Variants in AP3B1 observed in about 807,000 individuals in gnomAD.
The protein encoded by AP3B1 is AP-3 complex subunit beta-1.
A neutral mutation model predicts 132.5 loss-of-function variants in AP3B1; 61 were observed. That is an observed-to-expected ratio of 0.46 (90% CI 0.37 to 0.57). AP3B1 has a LOEUF of 0.57. Ranked by LOEUF, AP3B1 falls within the 20% of genes least tolerant of loss-of-function variation. The pLI is 0.00. For synonymous variants in AP3B1, 388 were observed against 438.3 expected, an observed-to-expected ratio of 0.89 and a Z score of 1.43; for missense variants, 1,120 against 1,289.4, an observed-to-expected ratio of 0.87 and a Z score of 2.01.
chr5:78,128,681 T>C (rs1016664274), intron 16 of AP3B1, among the ~76,000 whole-genome samples: 2 of 152,088 alleles, frequency 1.3e-5, no homozygotes, highest in African/African-American at 2.4e-5. Flanking sequence ...CTTCCCTCTT[T>C]GAAAAACCAG....
chr5:78,120,366 C>T (rs1022519371), intron 17 of AP3B1, among the ~76,000 whole-genome samples: 1 of 152,154 alleles, frequency 6.6e-6, no homozygotes, highest in Non-Finnish European at 1.5e-5. Context: ...TGTAAATGGG[C>T]TAAATGCTCC....
chr5:78,279,115 GTA>G (rs1486795080), intron 1 of AP3B1, among the ~76,000 whole-genome samples: 5 of 152,092 alleles, frequency 3.3e-5, no homozygotes, highest in Non-Finnish European at 5.9e-5. Flanking sequence ...ATAGAGAATA[GTA>G]TATATATGAT....
intron 26 of AP3B1, among the ~76,000 whole-genome samples, chr5:78,008,805 C>G (rs1347207226): frequency 2.0e-5 from 3 of 152,130 alleles, no homozygotes; most frequent in Non-Finnish European, 4.4e-5. Context: ...AGCAAAAATT[C>G]TTTGGAGAAT....
chr5:78,141,020 G>A, intron 15 of AP3B1, 123 bp downstream of exon 15: 3 of 871,244 alleles, frequency 3.4e-6, no homozygotes, highest in Non-Finnish European at 5.8e-6. Context: ...CATAGAACCT[G>A]AAACAAACAG....
intron 19 of AP3B1, among the ~76,000 whole-genome samples, chr5:78,110,685 TG>T (rs1308289765): frequency 3.5e-5 from 2 of 57,666 alleles, no homozygotes; most frequent in Non-Finnish European, 7.4e-5. Flanking sequence ...ATACTGTGCC[TG>T]TGTGTGTGTG....
chr5:78,270,347 T>C (rs959594943), intron 1 of AP3B1, among the ~76,000 whole-genome samples: 2 of 152,166 alleles, frequency 1.3e-5, no homozygotes, highest in Non-Finnish European at 2.9e-5. Context: ...TTACCTTCTT[T>C]TTCCTCAAAA....
chr5:78,047,144 T>C (rs924769167), intron 22 of AP3B1, among the ~76,000 whole-genome samples: 9 of 152,242 alleles, frequency 5.9e-5, no homozygotes, highest in Non-Finnish European at 1.0e-4. Flanking sequence ...TTATTGTAAA[T>C]AGTGCTGCAA....
intron 1 of AP3B1, among the ~76,000 whole-genome samples, chr5:78,271,438 A>G (rs1748542782): frequency 6.6e-6 from 1 of 152,196 alleles, no homozygotes; most frequent in Non-Finnish European, 1.5e-5. Context: ...CAAAAAACAA[A>G]CAAACTTTCT....
intron 1 of AP3B1, among the ~76,000 whole-genome samples, chr5:78,281,190 T>C (rs1749034952): frequency 6.6e-6 from 1 of 152,176 alleles, no homozygotes; most frequent in African/African-American, 2.4e-5. Context: ...ATTCCAGCAC[T>C]TTGGGAGGCC....
At chr5:78,118,988 C>T (rs889943083) in intron 17 of AP3B1, among the ~76,000 whole-genome samples, 5 of 152,142 alleles carry the variant, frequency 3.3e-5, no homozygotes, top group South Asian at 2.1e-4. Context: ...TCCAGAGGAA[C>T]GATCAGGCAG....
intron 25 of AP3B1, among the ~76,000 whole-genome samples, chr5:78,016,896 G>A (rs1746878844): frequency 6.6e-6 from 1 of 152,098 alleles, no homozygotes; most frequent in African/African-American, 2.4e-5. Context: ...ACACTGCTGA[G>A]AGATGTGTGT....
intron 18 of AP3B1, 92 bp downstream of exon 18, chr5:78,116,034 C>T (rs775419501): frequency 1.1e-6 from 1 of 922,264 alleles, no homozygotes; most frequent in South Asian, 1.3e-5. Flanking sequence ...CTTAAAACTA[C>T]CTGCTGAATA....
intron 14 of AP3B1, among the ~76,000 whole-genome samples, chr5:78,145,475 C>A (rs10755299): frequency 0.18 from 27,140 of 152,078 alleles, 2,729 homozygotes; most frequent in Admixed American, 0.27. Flanking sequence ...AAATCTGAAT[C>A]CAAAATTCAT....
chr5:78,175,575 C>A (rs1449961540), intron 11 of AP3B1, 51 bp downstream of exon 11: 2 of 1,420,410 alleles, frequency 1.4e-6, no homozygotes, highest in Non-Finnish European at 2.0e-6. Flanking sequence ...ATAGAAATAT[C>A]TCTTCAAAAC....
intron 22 of AP3B1, among the ~76,000 whole-genome samples, chr5:78,052,745 A>C (rs1470526841): frequency 6.6e-6 from 1 of 152,242 alleles, no homozygotes; most frequent in Non-Finnish European, 1.5e-5. Context: ...CAGATCAATA[A>C]ACTTCACTAT....
intron 22 of AP3B1, among the ~76,000 whole-genome samples, chr5:78,075,068 C>A (rs1749706495): frequency 2.0e-5 from 3 of 152,130 alleles, no homozygotes; most frequent in African/African-American, 7.2e-5. Flanking sequence ...TCCCTCAAAG[C>A]AATCTCTCCT....
rs565041693 is a variant in AP3B1, at chr5:78,172,655, C to G, written c.1167+2971G>C. ...TCCATTAGTCTTGCTAGCAGTCTAT[C>G]AATTCTGTTGATCTTTTCAAAAAAC... On this transcript the variant is annotated intron_variant, in intron 11 of 26. Coordinates refer to ENST00000255194, the MANE Select transcript of AP3B1 (RefSeq NM_003664.5). 2.0e-5 allele frequency among the ~76,000 whole-genome samples: 3 copies of G among 152,252 alleles called. No homozygotes were observed. In the South Asian group the frequency reaches 6.2e-4, roughly 32 times the overall value.
At chr5:78,146,552 G>A (rs534412672) in intron 14 of AP3B1, among the ~76,000 whole-genome samples, 1 of 152,036 alleles carries the variant, frequency 6.6e-6, no homozygotes, top group Non-Finnish European at 1.5e-5. Context: ...ATAATAATTA[G>A]AAGGGAATTT....
chr5:78,257,701 C>T (rs1747907224), intron 2 of AP3B1, among the ~76,000 whole-genome samples: 1 of 152,050 alleles, frequency 6.6e-6, no homozygotes, highest in Non-Finnish European at 1.5e-5. Flanking sequence ...ACAAAAGATC[C>T]AGAATAGCCA....
Sources: gnomAD v4.1 joint callset for allele counts (sites outside exome capture counted in the v4.1 genomes callset) on GRCh38, gnomAD v4.1.1 for gene constraint, MANE v1.5 for transcripts, NCBI Gene and HGNC (gene_info 2026-07-23, HGNC 2026-07-21) for gene names.